FAM76B: variants seen among roughly 807,000 people sequenced by gnomAD.
FAM76B encodes the protein family with sequence similarity 76 member B.
A neutral mutation model predicts 51.8 loss-of-function variants in FAM76B; 16 were observed. That is an observed-to-expected ratio of 0.31 (90% CI 0.21 to 0.47). The LOEUF (loss-of-function observed/expected upper bound fraction) is 0.47, where lower values mean the gene tolerates loss of function less well. Among genes scored for constraint, FAM76B ranks in the 20% least tolerant of loss-of-function variants. The pLI, the probability that FAM76B is intolerant of heterozygous loss-of-function variation, is 1.00. For synonymous variants in FAM76B, 166 were observed against 129.5 expected, an observed-to-expected ratio of 1.28 and a Z score of -1.91; for missense variants, 342 against 392.6, an observed-to-expected ratio of 0.87 and a Z score of 1.09.
chr11:95,778,806 T>G lies in FAM76B; in HGVS notation c.828+16A>C. 6.3e-7 allele frequency: 1 copy of G among 1,582,042 alleles called. No homozygotes were observed. The highest frequency in any genetic ancestry group is 1.9e-5 in the Admixed American group (1 of 52,212). On this transcript the variant is annotated intron_variant, in intron 8 of 9. Coordinates refer to ENST00000358780, the MANE Select transcript of FAM76B (RefSeq NM_144664.5). The stretch of plus-strand genomic sequence containing the variant: ...ACACATAACTCTTACCAGGCTTCAA[T>G]GAACCATGTTCTTACCTTTTTATCT...
chr11:95,781,250 C>A (rs1044378603), intron 5 of FAM76B, among the ~76,000 whole-genome samples: 1 of 152,064 alleles, frequency 6.6e-6, no homozygotes, highest in African/African-American at 2.4e-5. Flanking sequence ...TTCAGACCCA[C>A]CTTAGTGCCA....
rs986394181 is a variant in FAM76B, at chr11:95,789,018, C to T, written c.87+374G>A. ...CTAGCAAGAAAGTGCAAAAACCGTC[C>T]CCTGCCTCCTGGTGGAAGAAGAGGA... On this transcript the variant is annotated intron_variant, in intron 1 of 9. Coordinates refer to ENST00000358780, the MANE Select transcript of FAM76B (RefSeq NM_144664.5). 4 of 1,367,550 alleles carry T rather than the reference C, an allele frequency of 2.9e-6. No individual in the cohort carries two copies. In the African/African-American group the frequency reaches 5.8e-5, roughly 20 times the overall value. The allele number at this position is 1,367,550 out of a possible 1,614,324, so 84.7% of individuals were successfully genotyped here.
intron 3 of FAM76B, 26 bp downstream of exon 3, chr11:95,787,598 G>A (rs748264065): frequency 3.7e-6 from 6 of 1,601,040 alleles, no homozygotes; most frequent in Non-Finnish European, 5.1e-6. Flanking sequence ...TGGTAACAAT[G>A]ACATGAAAAC....
rs1349368229 is a variant in FAM76B at position 95,779,915 on chromosome 11, A to G, written c.575T>C (p.Leu192Pro). Residue 192 changes from leucine to proline, a missense_variant, in exon 6 of 10, where the codon CTA becomes CCA. Coordinates refer to ENST00000358780, the MANE Select transcript of FAM76B (RefSeq NM_144664.5). Reference sequence around the variant, plus strand: ...CAGTCCCTGCTCTTCTTCTGGACTTAGATTGCTGATTCTGAAAAATACACA... The same window carrying G: ...CAGTCCCTGCTCTTCTTCTGGACTTGGATTGCTGATTCTGAAAAATACACA... ...HSSSHHKISN[L>P]SPEEEQGLWK... is the part of the protein sequence containing the mutation. 1 of 1,604,706 alleles carries G rather than the reference A, an allele frequency of 6.2e-7. No individual in the cohort carries two copies.
chr11:95,779,338 G>T (rs1860149839), intron 7 of FAM76B: 1 of 505,378 alleles, frequency 2.0e-6, no homozygotes, highest in East Asian at 3.9e-5. Context: ...TTTCACTGAA[G>T]AATAAAGATA....
At chr11:95,772,336 A>C (rs1859803993) in intron 9 of FAM76B, among the ~76,000 whole-genome samples, 1 of 151,200 alleles carries the variant, frequency 6.6e-6, no homozygotes, top group African/African-American at 2.4e-5. Context: ...ACAAAGATTC[A>C]AAATTTCATT....
At chr11:95,779,994 T>A in intron 5 of FAM76B, 68 bp from the exon 6 acceptor site, 2 of 1,381,746 alleles carry the variant, frequency 1.4e-6, no homozygotes, top group Non-Finnish European at 2.0e-6. Flanking sequence ...TTTAACATTC[T>A]TTCTCAATGG....
At chr11:95,789,185 G>T in intron 1 of FAM76B, 1 of 1,019,270 alleles carries the variant, frequency 9.8e-7, no homozygotes, top group Non-Finnish European at 1.4e-6. Flanking sequence ...GCCTGGAAAA[G>T]GGCACGATTC....
At chr11:95,785,858 T>C (rs1025918555) in intron 4 of FAM76B, among the ~76,000 whole-genome samples, 16 of 152,200 alleles carry the variant, frequency 1.1e-4, no homozygotes, top group African/African-American at 3.6e-4. Context: ...TTTAAGCAAT[T>C]AGTTAAATCT....
At chr11:95,787,781 T>C (rs902265412) in intron 2 of FAM76B, 103 bp from the exon 3 acceptor site, 25 of 953,556 alleles carry the variant, frequency 2.6e-5, no homozygotes, top group East Asian at 1.4e-4. Flanking sequence ...CTTAAAACTT[T>C]AATAAGGACC....
At chr11:95,786,001 C>T (rs1158207733) in intron 4 of FAM76B, 118 bp downstream of exon 4, 9 of 1,254,680 alleles carry the variant, frequency 7.2e-6, no homozygotes, top group Non-Finnish European at 9.9e-6. Flanking sequence ...CATCTAACTA[C>T]TTGCTTTCAT....
intron 9 of FAM76B, among the ~76,000 whole-genome samples, chr11:95,774,478 G>C (rs1277077947): frequency 1.3e-5 from 2 of 151,260 alleles, no homozygotes; most frequent in Non-Finnish European, 3.0e-5. Flanking sequence ...CTGCTCTTTT[G>C]AACAGTGGGG....
chr11:95,772,649 C>T (rs1859820179), intron 9 of FAM76B, among the ~76,000 whole-genome samples: 1 of 151,050 alleles, frequency 6.6e-6, no homozygotes, highest in African/African-American at 2.4e-5. Context: ...TTCACAGGTT[C>T]CAGGAATTTT....
intron 7 of FAM76B, 105 bp from the exon 8 acceptor site, chr11:95,779,062 G>A (rs1286503140): frequency 1.3e-6 from 2 of 1,591,854 alleles, no homozygotes; most frequent in African/African-American, 1.3e-5. Context: ...TAAGGCTAAT[G>A]CAAAAAAATA....
chr11:95,782,524 G>T (rs898346797), intron 5 of FAM76B, among the ~76,000 whole-genome samples: 1 of 151,926 alleles, frequency 6.6e-6, no homozygotes, highest in African/African-American at 2.4e-5. Flanking sequence ...TTTAAGTAGA[G>T]TTCCTAAATA....
At chr11:95,789,017 C>T (rs992057707) in intron 1 of FAM76B, 4 of 1,365,706 alleles carry the variant, frequency 2.9e-6, no homozygotes, top group Admixed American at 4.4e-5. Flanking sequence ...CAAAAACCGT[C>T]CCCTGCCTCC....
intron 5 of FAM76B, among the ~76,000 whole-genome samples, chr11:95,781,950 T>A (rs1481544200): frequency 6.6e-6 from 1 of 152,198 alleles, no homozygotes. Flanking sequence ...CTAAAAATAC[T>A]GCATGTGTTC....
In FAM76B at chr11:95,771,662, A is replaced by G; in HGVS notation, c.931-12T>C. On this transcript the variant is annotated splice_polypyrimidine_tract_variant and intron_variant, in intron 9 of 9. Transcript: ENST00000358780. The stretch of plus-strand genomic sequence containing the variant: ...TCTCTGTTTTTGGCCTGTGGGAGAC[A>G]AAAACATTCAAGATTAAAAATGTTT... 6.3e-7 allele frequency: 1 copy of G among 1,588,880 alleles called. No individual in the cohort carries two copies. Among genetic ancestry groups the G allele is most frequent in the Non-Finnish European group, 8.6e-7 (1 of 1,161,108 alleles).
intron 1 of FAM76B, chr11:95,788,774 G>A (rs1860764059): frequency 2.1e-6 from 3 of 1,427,496 alleles, no homozygotes; most frequent in Non-Finnish European, 2.8e-6. Context: ...TAGTAGACGT[G>A]GGGGTATATT....
Sources: gnomAD v4.1 joint callset for allele counts (sites outside exome capture counted in the v4.1 genomes callset) on GRCh38, gnomAD v4.1.1 for gene constraint, MANE v1.5 for transcripts, NCBI Gene and HGNC (gene_info 2026-07-23, HGNC 2026-07-21) for gene names.